The following FSTL5 variants were observed in gnomAD, a reference collection of about 807,000 sequenced individuals.
The protein encoded by FSTL5 is follistatin like 5.
Under a neutral mutation model 89.1 loss-of-function variants are expected in FSTL5, and 62 were observed. The observed-to-expected ratio is 0.70, with a 90% CI of 0.57 to 0.86. The LOEUF (loss-of-function observed/expected upper bound fraction) is 0.86, where lower values mean the gene tolerates loss of function less well. Among genes scored for constraint, FSTL5 ranks in the 40% least tolerant of loss-of-function variants. The probability of loss-of-function intolerance (pLI) is 0.00; values close to 1 mark genes in which losing one functional copy is unlikely to be tolerated. For missense variants in FSTL5, 1,057 were observed against 1,001.6 expected (o/e 1.06, Z -0.75); for synonymous variants, 383 against 346.2 (o/e 1.11, Z -1.18).
chr4:162,039,938 T>C (rs549365075), intron 2 of FSTL5, among the ~76,000 whole-genome samples: 10 of 152,040 alleles, frequency 6.6e-5, no homozygotes, highest in Non-Finnish European at 1.3e-4. Flanking sequence ...CTTCAGTGCT[T>C]AGTTGTGAGT....
At chr4:161,676,695 TA>T (rs1413267384) in intron 6 of FSTL5, among the ~76,000 whole-genome samples, 1 of 151,214 alleles carries the variant, frequency 6.6e-6, no homozygotes, top group East Asian at 1.9e-4. Flanking sequence ...TAAAGACTCC[TA>T]AAAAAACAAA....
At chr4:161,439,337 A>G (rs1370746871) in intron 15 of FSTL5, among the ~76,000 whole-genome samples, 3 of 152,222 alleles carry the variant, frequency 2.0e-5, no homozygotes, top group Non-Finnish European at 2.9e-5. Context: ...TGGATGAGTG[A>G]GTTGGAGGCA....
chr4:161,666,976 T>C (rs1304859381), intron 6 of FSTL5, among the ~76,000 whole-genome samples: 2 of 152,090 alleles, frequency 1.3e-5, no homozygotes, highest in African/African-American at 2.4e-5. Context: ...AAAAAATTCT[T>C]GTGCAGAATT....
At chr4:161,475,398 T>G (rs1401414412) in intron 13 of FSTL5, among the ~76,000 whole-genome samples, 2 of 152,132 alleles carry the variant, frequency 1.3e-5, no homozygotes, top group Non-Finnish European at 2.9e-5. Context: ...TTGGTACACT[T>G]GACTGAGTCT....
chr4:161,463,815 C>G (rs941265020), intron 13 of FSTL5, among the ~76,000 whole-genome samples: 2 of 152,142 alleles, frequency 1.3e-5, no homozygotes, highest in African/African-American at 4.8e-5. Context: ...TCCTTGACTG[C>G]CGTCTTCCTC....
rs796943078 is a variant in FSTL5, at chr4:161,669,138, T to TAAAAG, written c.728-12649_728-12645dup. On this transcript the variant is annotated intron_variant, in intron 6 of 15. Coordinates refer to ENST00000306100, the MANE Select transcript of FSTL5 (RefSeq NM_020116.5). ...AAAAAAAAAAAAAAATAAAATAAAA[T>TAAAAG]AAAAGAAAAAGAAAAATAAATAAAT... Among the ~76,000 whole-genome samples, 18 of 142,356 alleles carry TAAAAG rather than the reference T, an allele frequency of 1.3e-4. No individual in the cohort carries two copies. The East Asian group carries it at 3.1e-3, about 24-fold the overall frequency. The allele number at this position is 142,356 out of a possible 152,430, so 93.4% of individuals were successfully genotyped here.
At chr4:162,004,433 A>T (rs1736554284) in intron 3 of FSTL5, among the ~76,000 whole-genome samples, 1 of 152,090 alleles carries the variant, frequency 6.6e-6, no homozygotes, top group Non-Finnish European at 1.5e-5. Flanking sequence ...TACTTCTTGG[A>T]CCTCATACCA....
intron 10 of FSTL5, 119 bp from the exon 11 acceptor site, chr4:161,510,543 C>T (rs72683746): frequency 0.093 from 51,231 of 550,424 alleles, 2,755 homozygotes; most frequent in Middle Eastern, 0.15. Context: ...TGTATATAAA[C>T]GTAGTGAAGT....
intron 4 of FSTL5, among the ~76,000 whole-genome samples, chr4:161,897,590 A>G (rs982437806): frequency 7.3e-5 from 11 of 150,742 alleles, no homozygotes; most frequent in African/African-American, 2.4e-4. Context: ...AAAAAAAAAA[A>G]AAAAGAAAAA....
rs541742725 is a variant in FSTL5, at chr4:161,694,091, G to A, written c.728-37597C>T. Among the ~76,000 whole-genome samples, 172 of 137,212 alleles carry A rather than the reference G, an allele frequency of 1.3e-3. 3 individuals carry two copies. In the East Asian group the frequency reaches 0.027, roughly 21 times the overall value. 90.0% of individuals were successfully genotyped at this position (137,212 alleles called of 152,430 possible). A position where few individuals can be genotyped will look rare whatever the true frequency, so the allele number is the denominator to read the frequency against. On this transcript the variant is annotated intron_variant, in intron 6 of 15. Coordinates refer to ENST00000306100, the MANE Select transcript of FSTL5 (RefSeq NM_020116.5). ...AAAGAACCAACTTTTAGGTTTATCT[G>A]TTCTCTCTATTGCTTTGCTGTTCTC...
intron 6 of FSTL5, among the ~76,000 whole-genome samples, chr4:161,671,963 C>T (rs1204234084): frequency 6.6e-6 from 1 of 152,132 alleles, no homozygotes; most frequent in African/African-American, 2.4e-5. Flanking sequence ...ATCTGATTAT[C>T]CCATGTGAAT....
At chr4:161,531,247 C>G (rs1302816455) in intron 10 of FSTL5, among the ~76,000 whole-genome samples, 2 of 152,128 alleles carry the variant, frequency 1.3e-5, no homozygotes, top group East Asian at 3.9e-4. Flanking sequence ...AGGGTAGAAG[C>G]AAAACACAAA....
chr4:161,489,251 G>A (rs1729785032), intron 12 of FSTL5, among the ~76,000 whole-genome samples: 1 of 152,176 alleles, frequency 6.6e-6, no homozygotes, highest in East Asian at 1.9e-4. Flanking sequence ...CTGAAATCCT[G>A]GCTAGGGGGA....
intron 6 of FSTL5, among the ~76,000 whole-genome samples, chr4:161,695,754 GC>G: frequency 6.6e-6 from 1 of 151,910 alleles, no homozygotes; most frequent in East Asian, 1.9e-4. Flanking sequence ...TTGGCCATTT[GC>G]AGGTCTTCTT....
chr4:161,953,331 A>T (rs1734946868), intron 3 of FSTL5, among the ~76,000 whole-genome samples: 2 of 151,520 alleles, frequency 1.3e-5, no homozygotes, highest in Admixed American at 6.6e-5. Flanking sequence ...ACTATAAAAT[A>T]TTATAAATAT....
At chr4:161,549,308 TATAAAA>T (rs1247766127) in intron 8 of FSTL5, among the ~76,000 whole-genome samples, 1 of 151,634 alleles carries the variant, frequency 6.6e-6, no homozygotes, top group Non-Finnish European at 1.5e-5. Context: ...TCAAAAGAAT[TATAAAA>T]ATAAAGAGTT....
chr4:161,609,348 TAA>T (rs1312335514), intron 7 of FSTL5, among the ~76,000 whole-genome samples: 17 of 152,170 alleles, frequency 1.1e-4, no homozygotes, highest in Admixed American at 7.9e-4. Context: ...GATATATCAA[TAA>T]GTTTTGCCAT....
At chr4:161,411,577 G>T (rs1257947621) in intron 15 of FSTL5, among the ~76,000 whole-genome samples, 1 of 152,076 alleles carries the variant, frequency 6.6e-6, no homozygotes, top group Admixed American at 6.6e-5. Flanking sequence ...AGAATCAAAA[G>T]CAGAAACCAT....
chr4:162,115,442 C>T (rs1392005086), intron 1 of FSTL5, among the ~76,000 whole-genome samples: 1 of 152,164 alleles, frequency 6.6e-6, no homozygotes, highest in African/African-American at 2.4e-5. Context: ...GTGTCGTAAT[C>T]TCACTTTCTT....
Sources: allele counts gnomAD v4.1 joint callset (sites outside exome capture counted in the v4.1 genomes callset), GRCh38; gene constraint gnomAD v4.1.1; transcripts MANE v1.5; gene names NCBI Gene and HGNC (gene_info 2026-07-23, HGNC 2026-07-21).